The following SLC66A1 variants were observed in gnomAD, a reference collection of about 807,000 sequenced individuals.
SLC66A1 encodes lysosomal amino acid transporter 1 homolog.
Under a neutral mutation model 33.0 loss-of-function variants are expected in SLC66A1, and 23 were observed. That is an observed-to-expected ratio of 0.70 (90% CI 0.50 to 0.99). The LOEUF (loss-of-function observed/expected upper bound fraction) is 0.99. Among genes scored for constraint, SLC66A1 ranks in the 50% least tolerant of loss-of-function variants. SLC66A1 has a pLI of 0.00. For missense variants in SLC66A1, 335 were observed against 383.6 expected (o/e 0.87, Z 1.06); for synonymous variants, 164 against 175.5 (o/e 0.93, Z 0.52).
At chr1:19,332,750 C>A (rs894168357), downstream of SLC66A1, among the ~76,000 whole-genome samples, 4 of 152,168 alleles carry the variant, frequency 2.6e-5, no homozygotes, top group African/African-American at 9.7e-5. Context: ...TGGCTTACAC[C>A]TCCTGCTCCT....
At chr1:19,316,146 T>C (rs537870735) in intron 1 of SLC66A1, among the ~76,000 whole-genome samples, 1 of 152,182 alleles carries the variant, frequency 6.6e-6, no homozygotes, top group Admixed American at 6.5e-5. Flanking sequence ...ACCCCTGCGA[T>C]CAGCCATATT....
intron 2 of SLC66A1, 64 bp from the exon 3 acceptor site, chr1:19,324,569 C>A: frequency 6.3e-7 from 1 of 1,598,718 alleles, no homozygotes; most frequent in South Asian, 1.1e-5. Context: ...GCGGTGTCCC[C>A]TATAAGGCGG....
At position 19,324,654 on chromosome 1, in the gene SLC66A1, G is replaced by A. The variant is rs753524260; in HGVS notation, c.186G>A (p.Lys62=). The change falls in exon 3 of 8, where the codon AAG becomes AAA. Residue 62 remains lysine, a synonymous_variant. Transcript: ENST00000375153. The stretch of plus-strand genomic sequence containing the variant: ...ACAGCCAGTTCATCAAAGCCTACAA[G>A]ACGGGCAACATGGACCAGGCGCTGT... ...STFPQFIKAY[K]TGNMDQALSL... is the part of the protein sequence containing the mutation. 2 of 1,614,208 alleles carry A rather than the reference G, an allele frequency of 1.2e-6. No individual in the cohort carries two copies. The highest frequency in any genetic ancestry group is 2.2e-5 in the South Asian group (2 of 91,084).
intron 1 of SLC66A1, among the ~76,000 whole-genome samples, chr1:19,315,734 C>T (rs75331752): frequency 6.6e-6 from 1 of 152,194 alleles, no homozygotes; most frequent in East Asian, 1.9e-4. Flanking sequence ...CTCCCTCCCT[C>T]TCTCCCTCTC....
downstream of SLC66A1, among the ~76,000 whole-genome samples, chr1:19,332,519 C>T (rs1197572334): frequency 1.3e-5 from 2 of 152,162 alleles, no homozygotes; most frequent in Non-Finnish European, 2.9e-5. Context: ...CCTGTATTCC[C>T]AGCATTTTGG....
At chr1:19,314,143 G>A (rs1439324956) in intron 1 of SLC66A1, among the ~76,000 whole-genome samples, 2 of 152,204 alleles carry the variant, frequency 1.3e-5, no homozygotes, top group African/African-American at 4.8e-5. Flanking sequence ...TGGCTTCTAG[G>A]TGACAGGAAC....
chr1:19,333,764 C>T (rs760076454), downstream of SLC66A1, among the ~76,000 whole-genome samples: 7 of 152,102 alleles, frequency 4.6e-5, no homozygotes, highest in Non-Finnish European at 7.3e-5. The surrounding 1 kb of genome is among the most constrained non-coding windows in gnomAD (Gnocchi z 4.2). Context: ...GCCTGGGCAA[C>T]GTGGTGGTGT....
At chr1:19,320,649 T>C (rs1350642845) in intron 2 of SLC66A1, among the ~76,000 whole-genome samples, 1 of 151,862 alleles carries the variant, frequency 6.6e-6, no homozygotes, top group Non-Finnish European at 1.5e-5. Context: ...TTTCCTGACC[T>C]TGTGATCCGC....
downstream of SLC66A1, among the ~76,000 whole-genome samples, chr1:19,333,271 G>A (rs915705338): frequency 1.3e-5 from 2 of 152,044 alleles, no homozygotes; most frequent in African/African-American, 4.8e-5. This position sits in a 1 kb window ranked among gnomAD's most constrained non-coding sequence, Gnocchi z 4.2. Flanking sequence ...GCAGTGGTAC[G>A]ATCTTGGCTT....
chr1:19,334,328 T>A, the SLC66A1 span, among the ~76,000 whole-genome samples: 12 of 152,188 alleles, frequency 7.9e-5, no homozygotes, highest in Non-Finnish European at 1.5e-4. Flanking sequence ...TTTAGATACA[T>A]GAATTGTGTG....
rs2093880054 is a variant in SLC66A1 at position 19,328,275 on chromosome 1, A to G, written c.805-297A>G. ...CACCTGGAAGCCTCCAGGACGCCAC[A>G]GCTGAGAGCAAGCGAAGATCCTGGG... is the stretch of plus-strand genomic sequence containing the variant. On this transcript the variant is annotated intron_variant, in intron 7 of 7. Coordinates refer to ENST00000375153, the MANE Select transcript of SLC66A1 (RefSeq NM_001040125.2). The surrounding 1 kb of genome is among the most constrained non-coding windows in gnomAD (Gnocchi z 4.7). Among the ~76,000 whole-genome samples, 1 of 152,212 alleles carries G rather than the reference A, an allele frequency of 6.6e-6. No individual in the cohort carries two copies. Among genetic ancestry groups the G allele is most frequent in the Non-Finnish European group, 1.5e-5 (1 of 68,044 alleles).
intron 2 of SLC66A1, among the ~76,000 whole-genome samples, chr1:19,320,004 C>G (rs1392118680): frequency 6.6e-6 from 1 of 151,106 alleles, no homozygotes; most frequent in Admixed American, 6.6e-5. Context: ...TCAAGAGATT[C>G]CCCTGCCTCA....
intron 2 of SLC66A1, 122 bp downstream of exon 2, chr1:19,317,963 T>G (rs1022218346): frequency 7.0e-7 from 1 of 1,426,638 alleles, no homozygotes; most frequent in Admixed American, 2.2e-5. Flanking sequence ...GAGGCTGGGG[T>G]GTGTTCCCTC....
At position 19,328,814 on chromosome 1, in the gene SLC66A1, C is replaced by A; in HGVS notation, c.*171C>A. 1.4e-6 allele frequency: 1 copy of A among 716,714 alleles called. No homozygotes were observed. The highest frequency in any genetic ancestry group is 2.3e-6 in the Non-Finnish European group (1 of 437,916). The allele number at this position is 716,714 out of a possible 1,614,324, so 44.4% of individuals were successfully genotyped here. The stretch of plus-strand genomic sequence containing the variant: ...ACACACCTTCAGGTAGACCCCGAAG[C>A]CTCAAGGCCGGGGCTGGAGCGGAGA... On this transcript the variant is annotated 3_prime_UTR_variant, in exon 8 of 8. Coordinates refer to ENST00000375153, the MANE Select transcript of SLC66A1 (RefSeq NM_001040125.2). The surrounding 1 kb of genome is among the most constrained non-coding windows in gnomAD (Gnocchi z 4.7).
rs373590946 is a variant in SLC66A1, at chr1:19,328,661, G to A, written c.*18G>A. Reference sequence around the variant, plus strand: ...CCAGCTGACCAGAACCAGGCTGAGCGCAGGAGGACAGGCACCACCGGATGC... The same window carrying A: ...CCAGCTGACCAGAACCAGGCTGAGCACAGGAGGACAGGCACCACCGGATGC... On this transcript the variant is annotated 3_prime_UTR_variant, in exon 8 of 8. Coordinates refer to ENST00000375153, the MANE Select transcript of SLC66A1 (RefSeq NM_001040125.2). The surrounding 1 kb of genome is among the most constrained non-coding windows in gnomAD (Gnocchi z 4.7). 9.9e-6 allele frequency: 16 copies of A among 1,611,870 alleles called. No individual in the cohort carries two copies. The highest frequency in any genetic ancestry group is 4.5e-5 in the East Asian group (2 of 44,798).
At chr1:19,331,163 C>CGCCACG (rs2093891471), downstream of SLC66A1, among the ~76,000 whole-genome samples, 1 of 152,184 alleles carries the variant, frequency 6.6e-6, no homozygotes, top group African/African-American at 2.4e-5. Flanking sequence ...AGGCGCCTGC[C>CGCCACG]GCCACGCTCA....
chr1:19,330,684 G>C (rs555256745), downstream of SLC66A1, among the ~76,000 whole-genome samples: 2 of 152,300 alleles, frequency 1.3e-5, no homozygotes, highest in South Asian at 4.1e-4. Flanking sequence ...GTGCTTCCAA[G>C]GTGGGGCTGC....
Position 19,328,815 on chromosome 1 carries a change from C to T in SLC66A1, c.*172C>T. On this transcript the variant is annotated 3_prime_UTR_variant, in exon 8 of 8. Transcript: ENST00000375153. The surrounding 1 kb of genome is among the most constrained non-coding windows in gnomAD (Gnocchi z 4.7). ...CACACCTTCAGGTAGACCCCGAAGC[C>T]TCAAGGCCGGGGCTGGAGCGGAGAC... is the stretch of plus-strand genomic sequence containing the variant. 4.2e-6 allele frequency: 3 copies of T among 714,152 alleles called. No homozygotes were observed. Among genetic ancestry groups the T allele is most frequent in the Non-Finnish European group, 6.9e-6 (3 of 435,504 alleles). 44.2% of individuals were successfully genotyped at this position (714,152 alleles called of 1,614,324 possible).
intron 1 of SLC66A1, among the ~76,000 whole-genome samples, chr1:19,313,587 A>G (rs1175048596): frequency 7.1e-6 from 1 of 141,746 alleles, no homozygotes; most frequent in African/African-American, 2.5e-5. Flanking sequence ...TGAAAGGGCA[A>G]TTTAGAAGTG....
Sources: allele counts gnomAD v4.1 joint callset (sites outside exome capture counted in the v4.1 genomes callset), GRCh38; gene constraint gnomAD v4.1.1; non-coding constraint Gnocchi (gnomAD v3.1); transcripts MANE v1.5; gene names NCBI Gene and HGNC (gene_info 2026-07-23, HGNC 2026-07-21).